RPS6KA2: variants seen among roughly 807,000 people sequenced by gnomAD.
The protein encoded by RPS6KA2 is ribosomal protein S6 kinase alpha-2.
RPS6KA2 carries 42 observed loss-of-function variants against 91.8 expected under a neutral mutation model. The ratio of observed to expected loss-of-function variants is 0.46; its 90% confidence interval spans 0.36 to 0.59. The LOEUF (loss-of-function observed/expected upper bound fraction) is 0.59, where lower values mean the gene tolerates loss of function less well. Among genes scored for constraint, RPS6KA2 ranks in the 20% least tolerant of loss-of-function variants. The probability of loss-of-function intolerance (pLI) is 0.00; values close to 1 mark genes in which losing one functional copy is unlikely to be tolerated. For missense variants in RPS6KA2, 798 were observed against 978.5 expected, an observed-to-expected ratio of 0.82 and a Z score of 2.46; for synonymous variants, 414 against 393.6, an observed-to-expected ratio of 1.05 and a Z score of -0.61.
intron 1 of RPS6KA2, among the ~76,000 whole-genome samples, chr6:166,616,401 C>A (rs896333437): frequency 6.7e-6 from 1 of 148,892 alleles, no homozygotes; most frequent in Non-Finnish European, 1.5e-5. Context: ...CCACCACTAA[C>A]GGGACCCGCC....
chr6:166,632,972 C>T (rs867562154), intron 2 of RPS6KA2, among the ~76,000 whole-genome samples: 4 of 152,228 alleles, frequency 2.6e-5, no homozygotes, highest in South Asian at 2.1e-4. Flanking sequence ...CCCAGCATTT[C>T]GGGAGGCCGA....
chr6:166,507,746 A>T (rs897417325), intron 5 of RPS6KA2, among the ~76,000 whole-genome samples: 4 of 149,560 alleles, frequency 2.7e-5, no homozygotes, highest in African/African-American at 9.9e-5. Context: ...TACACCACAA[A>T]TCACACGCCT....
intron 2 of RPS6KA2, among the ~76,000 whole-genome samples, chr6:166,788,328 A>G (rs907502132): frequency 1.3e-5 from 2 of 152,200 alleles, no homozygotes; most frequent in South Asian, 2.1e-4. Flanking sequence ...CAGCAATCCC[A>G]TTACTGGGTA....
At chr6:166,625,331 A>ACCCCCCCCCCCCCCC (rs10583661) in intron 1 of RPS6KA2, among the ~76,000 whole-genome samples, 1 of 52,564 alleles carries the variant, frequency 1.9e-5, no homozygotes, top group African/African-American at 7.6e-5. Context: ...CCACCCCCCC[A>ACCCCCCCCCCCCCCC]CCCCCCCCCC....
At chr6:166,716,980 G>C (rs145496445) in intron 2 of RPS6KA2, among the ~76,000 whole-genome samples, 1 of 152,266 alleles carries the variant, frequency 6.6e-6, no homozygotes, top group Non-Finnish European at 1.5e-5. Context: ...AGAGAACAAG[G>C]ACCTTGCTCA....
rs571504052 is a variant in RPS6KA2 at position 166,418,284 on chromosome 6, C to T, written c.1879G>A (p.Gly627Ser). 1.1e-5 allele frequency: 17 copies of T among 1,614,032 alleles called. No individual in the cohort carries two copies. Among genetic ancestry groups the T allele is most frequent in the Middle Eastern group, 1.6e-4 (1 of 6,062 alleles). The change falls in exon 19 of 21, where the codon GGC (glycine) becomes AGC (serine). Residue 627 changes from glycine (G) to serine (S), a missense_variant. Transcript: ENST00000265678. This position sits in a 1 kb window ranked among gnomAD's most constrained non-coding sequence, Gnocchi z 4.9. ...CCAGAAAGGGCATACTTCCCACTGC[C>T]GATCCGCGCCAGAATCTCCTCAGGG... ...DTPEEILARIGSGKYALSGGN... is the reference protein window; with the variant it reads ...DTPEEILARISSGKYALSGGN...
chr6:166,692,651 A>G (rs1467083810), intron 2 of RPS6KA2, among the ~76,000 whole-genome samples: 1 of 152,252 alleles, frequency 6.6e-6, no homozygotes, highest in Admixed American at 6.5e-5. Context: ...AAAAAGTTAC[A>G]AATGTCATCC....
At chr6:166,691,098 G>A (rs957868350) in intron 2 of RPS6KA2, among the ~76,000 whole-genome samples, 2 of 152,130 alleles carry the variant, frequency 1.3e-5, no homozygotes, top group Non-Finnish European at 2.9e-5. Flanking sequence ...AGATTCAAGC[G>A]TTGCCAACTC....
chr6:166,837,709 C>A (rs1399592168), intron 2 of RPS6KA2, among the ~76,000 whole-genome samples: 1 of 152,184 alleles, frequency 6.6e-6, no homozygotes, highest in Non-Finnish European at 1.5e-5. Flanking sequence ...TCCCGGGCTC[C>A]CCACCCTTCA....
intron 3 of RPS6KA2, among the ~76,000 whole-genome samples, chr6:166,530,859 C>T (rs1432390129): frequency 6.6e-6 from 1 of 152,242 alleles, no homozygotes; most frequent in Admixed American, 6.5e-5. Flanking sequence ...CCATGAGTCA[C>T]GTTGTATTTA....
chr6:166,693,884 G>A (rs1224647794), intron 2 of RPS6KA2, among the ~76,000 whole-genome samples: 2 of 152,160 alleles, frequency 1.3e-5, no homozygotes, highest in African/African-American at 4.8e-5. Context: ...TACTCCTGTG[G>A]TTTGCTGGTG....
chr6:166,631,697 T>TG (rs1787082148), upstream of RPS6KA2, among the ~76,000 whole-genome samples: 1 of 152,212 alleles, frequency 6.6e-6, no homozygotes, highest in Admixed American at 6.5e-5. Flanking sequence ...GGAGCACGGC[T>TG]GGAGTCATGA....
At chr6:166,723,685 T>C (rs889466339) in intron 2 of RPS6KA2, among the ~76,000 whole-genome samples, 4 of 151,212 alleles carry the variant, frequency 2.6e-5, no homozygotes, top group African/African-American at 9.8e-5. Context: ...ATTTCCTTTT[T>C]CTTTTTTTCT....
Position 166,448,673 on chromosome 6 carries a change from C to T in RPS6KA2, c.1332+51G>A. The stretch of plus-strand genomic sequence containing the variant: ...GTGCTCCCACATACCACACGTGCTC[C>T]CACGCGCTGCACTCACACAGGGCCC... On this transcript the variant is annotated intron_variant, in intron 14 of 20. Transcript: ENST00000265678. The surrounding 1 kb of genome is among the most constrained non-coding windows in gnomAD (Gnocchi z 4.7). The T allele has an allele frequency of 6.4e-7, 1 of 1,558,952 alleles. No homozygotes were observed. The highest frequency in any genetic ancestry group is 1.2e-5 in the South Asian group (1 of 86,024).
chr6:166,423,395 G>C lies in RPS6KA2; in HGVS notation c.1604C>G (p.Pro535Arg). Residue 535 changes from proline (P) to arginine (R), a missense_variant, in exon 17 of 21, where the codon CCG becomes CGG. By Grantham distance (103) the Pro-to-Arg change is moderately radical. Coordinates refer to ENST00000265678, the MANE Select transcript of RPS6KA2 (RefSeq NM_021135.6). This position sits in a 1 kb window ranked among gnomAD's most constrained non-coding sequence, Gnocchi z 4.8. The part of the protein sequence containing the change: ...SQGVVHRDLK[P>R]SNILYRDESG... ...CTCATCCCTGTACAGGATGTTACTC[G>C]GCTTCAGGTCTCGATGAACAACCTG... is the stretch of plus-strand genomic sequence containing the variant. 6.2e-7 allele frequency: 1 copy of C among 1,611,324 alleles called. No individual in the cohort carries two copies. The highest frequency in any genetic ancestry group is 8.5e-7 in the Non-Finnish European group (1 of 1,177,732).
At chr6:166,534,087 T>C (rs2097523) in intron 2 of RPS6KA2, among the ~76,000 whole-genome samples, 49,051 of 151,752 alleles carry the variant, frequency 0.32, 9,110 homozygotes, top group South Asian at 0.52. Context: ...CCAGGCGCTG[T>C]GGCAGGCGCC....
At chr6:166,701,442 C>T (rs16899309) in intron 2 of RPS6KA2, 46,345 of 1,199,642 alleles carry the variant, frequency 0.039, 1,597 homozygotes, top group African/African-American at 0.16. Flanking sequence ...GAGCCTTGAA[C>T]CGAGCCTCTG....
intron 6 of RPS6KA2, among the ~76,000 whole-genome samples, chr6:166,503,360 T>C (rs1477434987): frequency 1.3e-5 from 2 of 152,272 alleles, no homozygotes; most frequent in East Asian, 1.9e-4. Flanking sequence ...TAAACCCAGC[T>C]GTTTCCCATA....
intron 2 of RPS6KA2, among the ~76,000 whole-genome samples, chr6:166,768,917 T>C (rs1280076197): frequency 6.6e-6 from 1 of 152,036 alleles, no homozygotes; most frequent in Non-Finnish European, 1.5e-5. Context: ...GCCACATGGC[T>C]CCGGGGGTTC....
Sources: gnomAD v4.1 joint callset for allele counts (sites outside exome capture counted in the v4.1 genomes callset) on GRCh38, gnomAD v4.1.1 for gene constraint, Gnocchi (gnomAD v3.1) non-coding constraint, MANE v1.5 for transcripts, NCBI Gene and HGNC (gene_info 2026-07-23, HGNC 2026-07-21) for gene names.